Variants in DMAC2L observed in about 807,000 individuals in gnomAD.
The protein encoded by DMAC2L is distal membrane arm assembly component 2 like, also known as ATP synthase subunit s, mitochondrial.
A neutral mutation model predicts 22.5 loss-of-function variants in DMAC2L; 21 were observed. The ratio of observed to expected loss-of-function variants is 0.93; its 90% CI spans 0.66 to 1.34. The LOEUF is 1.34. DMAC2L is among the 40% of genes most tolerant of loss of function. DMAC2L has a pLI of 0.00. For missense variants in DMAC2L, 239 were observed against 246.5 expected, an observed-to-expected ratio of 0.97 and a Z score of 0.20; for synonymous variants, 86 against 89.5, an observed-to-expected ratio of 0.96 and a Z score of 0.22.
At chr14:50,320,158 A>G (rs1012629087) in intron 2 of DMAC2L, among the ~76,000 whole-genome samples, 4 of 152,086 alleles carry the variant, frequency 2.6e-5, no homozygotes, top group Non-Finnish European at 4.4e-5. Flanking sequence ...GTCTGGTACA[A>G]TCTCAGCTTA....
chr14:50,317,351 G>A (rs1258291876), intron 2 of DMAC2L, among the ~76,000 whole-genome samples: 1 of 152,118 alleles, frequency 6.6e-6, no homozygotes, highest in African/African-American at 2.4e-5. Context: ...GGTTTTCTAG[G>A]CATACAATCA....
In DMAC2L at chr14:50,326,392, A is replaced by G. The variant is rs1040540375; in HGVS notation, c.*669A>G. 5.3e-5 allele frequency: 50 copies of G among 939,492 alleles called. No homozygotes were observed. Among genetic ancestry groups the G allele is most frequent in the Admixed American group, 2.5e-4 (4 of 16,184 alleles). 58.2% of individuals were successfully genotyped at this position (939,492 alleles called of 1,614,324 possible). On this transcript the variant is annotated 3_prime_UTR_variant, in exon 6 of 6. Transcript: ENST00000557421. ...ATAACAGTAATTTACATTTAACTTT[A>G]AAGTTAGTGAAGCATACTACCATAA...
At chr14:50,325,545 A>G in intron 5 of DMAC2L, 64 bp from the exon 6 acceptor site, 1 of 1,504,178 alleles carries the variant, frequency 6.6e-7, no homozygotes, top group Non-Finnish European at 9.1e-7. Context: ...TCTTTAAGTC[A>G]GTAAATTGAA....
Position 50,312,363 on chromosome 14 carries a change from G to GCTCCCTCCCTCCCTCCCTCC in DMAC2L, c.-67_-48dup. On this transcript the variant is annotated 5_prime_UTR_variant, in exon 1 of 6. Transcript: ENST00000557421. ...GCCGCAGACGCGGGGACGCTGGCTC[G>GCTCCCTCCCTCCCTCCCTCC]CTCCCTCCCTCCCTCCCTCCGACGC... 4.7e-6 allele frequency: 3 copies of GCTCCCTCCCTCCCTCCCTCC among 637,712 alleles called. No homozygotes were observed. Among genetic ancestry groups the GCTCCCTCCCTCCCTCCCTCC allele is most frequent in the South Asian group, 3.8e-5 (2 of 52,786 alleles). The allele number at this position is 637,712 out of a possible 1,614,324, so 39.5% of individuals were successfully genotyped here.
rs2032753949 is a variant in DMAC2L, at chr14:50,327,500, CTG to C, written c.*1779_*1780del. ...TTTTTTTTTGAGACAGACTCTCACTCTGTTGCCCAGGTTGGAGTGCAGTGGTG... is the reference window on the plus strand; with the variant it reads ...TTTTTTTTTGAGACAGACTCTCACTCTTGCCCAGGTTGGAGTGCAGTGGTG... On this transcript the variant is annotated 3_prime_UTR_variant, in exon 6 of 6. Coordinates refer to ENST00000557421, the MANE Select transcript of DMAC2L (RefSeq NM_001382507.1). 1 of 117,296 alleles carries C rather than the reference CTG, an allele frequency of 8.5e-6. No individual in the cohort carries two copies. The highest frequency in any genetic ancestry group is 1.6e-5 in the Non-Finnish European group (1 of 61,296). 7.3% of individuals were successfully genotyped at this position (117,296 alleles called of 1,614,324 possible).
intron 5 of DMAC2L, 109 bp downstream of exon 5, chr14:50,324,225 T>C: frequency 8.3e-7 from 1 of 1,202,408 alleles, no homozygotes; most frequent in Non-Finnish European, 1.1e-6. Context: ...AAAAAGATAA[T>C]TTTAAAAAAT....
chr14:50,312,193 C>G (rs1177775138), upstream of DMAC2L: 5 of 1,604,522 alleles, frequency 3.1e-6, no homozygotes, highest in African/African-American at 6.7e-5. Context: ...GAAGAAGCCA[C>G]TTGACCCTCC....
In DMAC2L at chr14:50,322,706, A is replaced by T; in HGVS notation, c.303A>T (p.Gly101=). ...DATDSCIMSI[G]FDHMEGLEHV... ...CCGACTCTTGTATCATGAGCATTGG[A>T]TTTGATCACATGGGTAACTACCCTA... Residue 101 remains glycine, a synonymous_variant, in exon 4 of 6, where the codon GGA becomes GGT. Transcript: ENST00000557421. 1 of 1,614,188 alleles carries T rather than the reference A, an allele frequency of 6.2e-7. No homozygotes were observed. The highest frequency in any genetic ancestry group is 1.1e-5 in the South Asian group (1 of 91,084).
rs991368460 is a variant in DMAC2L, at chr14:50,326,829, C to T, written c.*1106C>T. On this transcript the variant is annotated 3_prime_UTR_variant, in exon 6 of 6. Transcript: ENST00000557421. ...GCTGAGGTGGGAGGATCACTTGAGA[C>T]CAGGAGTTTGAGACCAATTTGGGCA... The T allele has an allele frequency of 9.8e-6, 9 of 915,640 alleles. No homozygotes were observed. The highest frequency in any genetic ancestry group is 1.0e-5 in the Non-Finnish European group (8 of 766,746). 56.7% of individuals were successfully genotyped at this position (915,640 alleles called of 1,614,324 possible). A position where few individuals can be genotyped will look rare whatever the true frequency, so the allele number is the denominator to read the frequency against.
Position 50,322,650 on chromosome 14 carries a change from G to T in DMAC2L, c.247G>T (p.Asp83Tyr). ...CAACCACCTTCCAACAGGCCCTCTG[G>T]ACAAATACAAGATTCAGGCGATCGA... Reference protein sequence around the residue: ...DYNHLPTGPLDKYKIQAIDAT... With the variant: ...DYNHLPTGPLYKYKIQAIDAT... Residue 83 changes from aspartate (D) to tyrosine (Y), a missense_variant, in exon 4 of 6, where the codon GAC becomes TAC. Physicochemically the swap from Asp to Tyr is radical, Grantham distance 160. Coordinates refer to ENST00000557421, the MANE Select transcript of DMAC2L (RefSeq NM_001382507.1). 6.2e-7 allele frequency: 1 copy of T among 1,614,128 alleles called. No individual in the cohort carries two copies. Among genetic ancestry groups the T allele is most frequent in the Non-Finnish European group, 8.5e-7 (1 of 1,180,014 alleles).
intron 1 of DMAC2L, chr14:50,312,886 C>A: frequency 2.3e-6 from 2 of 858,912 alleles, no homozygotes; most frequent in Non-Finnish European, 3.8e-6. Flanking sequence ...GTCATTGATT[C>A]GTCTTGTAAA....
At chr14:50,324,280 A>G in intron 5 of DMAC2L, 164 bp downstream of exon 5, 1 of 660,840 alleles carries the variant, frequency 1.5e-6, no homozygotes. Context: ...TAAAATGATC[A>G]ACCTTAATAC....
chr14:50,312,252 A>G (rs2031282092), upstream of DMAC2L: 1 of 1,510,508 alleles, frequency 6.6e-7, no homozygotes, highest in Non-Finnish European at 8.9e-7. Context: ...GCGGGGGCCA[A>G]TGAAGTGGCG....
rs117249640 is a variant in DMAC2L, at chr14:50,312,546, A to C, written c.-42+157A>C. ...ATGCGGACATGGGGCCGTGGGAGAA[A>C]CTCTGGGCGGGATTACGGTGAAAAT... On this transcript the variant is annotated intron_variant, in intron 1 of 5. Coordinates refer to ENST00000557421, the MANE Select transcript of DMAC2L (RefSeq NM_001382507.1). 2,650 of 301,396 alleles carry C rather than the reference A, an allele frequency of 8.8e-3. 76 individuals are homozygous for C. Among genetic ancestry groups the C allele is most frequent in the Admixed American group, 0.073 (1,485 of 20,434 alleles). 18.7% of individuals were successfully genotyped at this position (301,396 alleles called of 1,614,324 possible).
At chr14:50,312,529 A>C in intron 1 of DMAC2L, 140 bp downstream of exon 1, 1 of 340,970 alleles carries the variant, frequency 2.9e-6, no homozygotes, top group Non-Finnish European at 5.5e-6. Context: ...CCATGCGGAC[A>C]TGGGGCCGTG....
intron 2 of DMAC2L, chr14:50,319,003 A>G (rs1340868127): frequency 1.3e-5 from 13 of 984,986 alleles, no homozygotes; most frequent in East Asian, 2.3e-4. Context: ...CAGACATTCA[A>G]TAAACATTTT....
At position 50,325,840 on chromosome 14, in the gene DMAC2L, AG is replaced by A. The variant is rs1650765986; in HGVS notation, c.*118del. 1 of 1,428,190 alleles carries A rather than the reference AG, an allele frequency of 7.0e-7. No individual in the cohort carries two copies. The highest frequency in any genetic ancestry group is 2.5e-5 in the East Asian group (1 of 39,726). The allele number at this position is 1,428,190 out of a possible 1,614,324, so 88.5% of individuals were successfully genotyped here. ...GGATGCCATATCATGACATTTTAGA[AG>A]TGGAGAGTGCATCATATGTAGAAAA... On this transcript the variant is annotated 3_prime_UTR_variant, in exon 6 of 6. Transcript: ENST00000557421.
chr14:50,322,744 T>A (rs760194037), intron 4 of DMAC2L, 25 bp downstream of exon 4: 4 of 1,613,810 alleles, frequency 2.5e-6, no homozygotes, highest in African/African-American at 2.7e-5. Context: ...GTTTTGCTAA[T>A]AGAAAATGCA....
At chr14:50,313,898 C>T (rs1263876507) in intron 1 of DMAC2L, among the ~76,000 whole-genome samples, 1 of 152,088 alleles carries the variant, frequency 6.6e-6, no homozygotes, top group African/African-American at 2.4e-5. Flanking sequence ...CTTTGCAGCC[C>T]CACCCAATCT....
Sources: allele counts gnomAD v4.1 joint callset (sites outside exome capture counted in the v4.1 genomes callset), GRCh38; gene constraint gnomAD v4.1.1; transcripts MANE v1.5; gene names NCBI Gene and HGNC (gene_info 2026-07-23, HGNC 2026-07-21).